Variants in UBL3 observed in about 807,000 individuals in gnomAD.
The protein encoded by UBL3 is ubiquitin-like protein 3.
A neutral mutation model predicts 18.4 loss-of-function variants in UBL3; 6 were observed. The ratio of observed to expected loss-of-function variants is 0.33; its 90% CI spans 0.18 to 0.64. The LOEUF (loss-of-function observed/expected upper bound fraction) is 0.64, where lower values mean the gene tolerates loss of function less well. Among genes scored for constraint, UBL3 ranks in the 30% least tolerant of loss-of-function variants. The pLI is 0.76. For synonymous variants in UBL3, 49 were observed against 46.6 expected (o/e 1.05, Z -0.21); for missense variants, 109 against 142.9 (o/e 0.76, Z 1.21).
At chr13:29,795,274 T>C (rs1250070628) in intron 1 of UBL3, among the ~76,000 whole-genome samples, 2 of 152,304 alleles carry the variant, frequency 1.3e-5, no homozygotes, top group East Asian at 1.9e-4. Flanking sequence ...ATCCATTGTT[T>C]GTAACCTGGA....
chr13:29,831,406 A>G (rs1488861405), intron 1 of UBL3, among the ~76,000 whole-genome samples: 2 of 152,092 alleles, frequency 1.3e-5, no homozygotes, highest in African/African-American at 2.4e-5. Flanking sequence ...CCTGACCAAC[A>G]TGGAGAAAAC....
chr13:29,845,174 G>A (rs933487702), intron 1 of UBL3, among the ~76,000 whole-genome samples: 2 of 152,122 alleles, frequency 1.3e-5, no homozygotes, highest in East Asian at 1.9e-4. Flanking sequence ...ACAAGCTGGG[G>A]TAGGATTCAG....
intron 1 of UBL3, among the ~76,000 whole-genome samples, chr13:29,815,273 C>T (rs371858815): frequency 2.6e-4 from 40 of 151,888 alleles, no homozygotes; most frequent in Non-Finnish European, 5.0e-4. Context: ...TCAAATAGAA[C>T]GAGTTAGATG....
chr13:29,798,626 C>T (rs572839724), intron 1 of UBL3, among the ~76,000 whole-genome samples: 35 of 152,078 alleles, frequency 2.3e-4, no homozygotes, highest in Non-Finnish European at 4.6e-4. Context: ...TTTGATAATA[C>T]AAGTATGAAT....
chr13:29,795,081 C>T lies in UBL3; in HGVS notation c.28-17818G>A, dbSNP rs549975107. ...TTCAAATTCAAGTACTCAGGCTATT[C>T]GCTCATGAATGGAGTTAGTGATTTT... On this transcript the variant is annotated intron_variant, in intron 1 of 4. Transcript: ENST00000380680. Among the ~76,000 whole-genome samples, 260 of 152,298 alleles carry T rather than the reference C, an allele frequency of 1.7e-3. 2 individuals are homozygous for T. Among genetic ancestry groups the T allele is most frequent in the African/African-American group, 6.0e-3 (251 of 41,578 alleles).
In UBL3 at chr13:29,767,073, T is replaced by C; in HGVS notation, c.*182A>G. On this transcript the variant is annotated 3_prime_UTR_variant, in exon 5 of 5. Transcript: ENST00000380680. ...AAATACAAGAAATAAAAAATCAGAG[T>C]GAAAAATGTTCTTGGTTCTTTTTAC... The C allele has an allele frequency of 4.0e-6, 2 of 505,366 alleles. No homozygotes were observed. Among genetic ancestry groups the C allele is most frequent in the East Asian group, 6.8e-5 (2 of 29,620 alleles). 31.3% of individuals were successfully genotyped at this position (505,366 alleles called of 1,614,324 possible).
chr13:29,767,492 G>A, intron 4 of UBL3, 126 bp downstream of exon 4: 1 of 1,194,772 alleles, frequency 8.4e-7, no homozygotes, highest in Non-Finnish European at 1.2e-6. Context: ...CTGGTTATTT[G>A]CTTGACAATC....
At position 29,767,081 on chromosome 13, in the gene UBL3, G is replaced by A. The variant is rs377725503; in HGVS notation, c.*174C>T. ...GAAATAAAAAATCAGAGTGAAAAAT[G>A]TTCTTGGTTCTTTTTACTTTCATGA... On this transcript the variant is annotated 3_prime_UTR_variant, in exon 5 of 5. Transcript: ENST00000380680. 8.8e-4 allele frequency: 467 copies of A among 529,918 alleles called. 5 individuals carry two copies. Among genetic ancestry groups the A allele is most frequent in the African/African-American group, 8.4e-3 (429 of 50,822 alleles). The allele number at this position is 529,918 out of a possible 1,614,324, so 32.8% of individuals were successfully genotyped here. A position where few individuals can be genotyped will look rare whatever the true frequency, so the allele number is the denominator to read the frequency against.
At chr13:29,835,119 T>TATATAAATATAA (rs1566001024) in intron 1 of UBL3, among the ~76,000 whole-genome samples, 10 of 20,566 alleles carry the variant, frequency 4.9e-4, no homozygotes, top group Middle Eastern at 0.024. Context: ...TATATATATA[T>TATATAAATATAA]ATATAAATAT....
chr13:29,769,742 T>C (rs574749157), intron 3 of UBL3, among the ~76,000 whole-genome samples: 1 of 152,116 alleles, frequency 6.6e-6, no homozygotes, highest in Non-Finnish European at 1.5e-5. Flanking sequence ...AATGAAACTC[T>C]ATATGGCTAT....
intron 1 of UBL3, chr13:29,779,289 T>C (rs1178283857): frequency 1.0e-5 from 5 of 488,308 alleles, no homozygotes; most frequent in Non-Finnish European, 2.0e-5. Flanking sequence ...GAATAACAAA[T>C]ACATATTACC....
intron 3 of UBL3, 62 bp from the exon 4 acceptor site, chr13:29,767,757 G>T: frequency 7.0e-7 from 1 of 1,425,188 alleles, no homozygotes; most frequent in South Asian, 1.3e-5. Flanking sequence ...TCACTATCCA[G>T]ATTTAAAACC....
chr13:29,791,802 C>A (rs1022939997), intron 1 of UBL3, among the ~76,000 whole-genome samples: 1 of 152,128 alleles, frequency 6.6e-6, no homozygotes, highest in Admixed American at 6.5e-5. Context: ...TCAATTTAGA[C>A]AATAAATTAT....
intron 1 of UBL3, among the ~76,000 whole-genome samples, chr13:29,836,996 G>C (rs547438931): frequency 4.6e-5 from 7 of 152,220 alleles, no homozygotes; most frequent in Admixed American, 4.6e-4. Context: ...CTATACACCA[G>C]TAGTCCACCA....
intron 1 of UBL3, among the ~76,000 whole-genome samples, chr13:29,823,330 C>T (rs9508559): frequency 0.27 from 40,728 of 151,990 alleles, 5,520 homozygotes; most frequent in East Asian, 0.42. Flanking sequence ...TTAGAAGAGA[C>T]GGGTTTCTCC....
chr13:29,839,805 T>C (rs1366087920), intron 1 of UBL3, among the ~76,000 whole-genome samples: 1 of 151,606 alleles, frequency 6.6e-6, no homozygotes, highest in African/African-American at 2.4e-5. Context: ...CGGGTGCCTG[T>C]AGTCCCAGTT....
At chr13:29,849,004 T>G (rs1333849920) in intron 1 of UBL3, among the ~76,000 whole-genome samples, 1 of 152,246 alleles carries the variant, frequency 6.6e-6, no homozygotes, top group African/African-American at 2.4e-5. Flanking sequence ...TTCAGACATT[T>G]CAAAAACCTC....
At chr13:29,835,095 T>TATATAAATATAAATATAA in intron 1 of UBL3, among the ~76,000 whole-genome samples, 1 of 20,226 alleles carries the variant, frequency 4.9e-5, no homozygotes, top group Non-Finnish European at 7.6e-5. Flanking sequence ...TATAAATATA[T>TATATAAATATAAATATAA]ATATATATAT....
chr13:29,837,010 G>A (rs1339515064), intron 1 of UBL3, among the ~76,000 whole-genome samples: 2 of 152,220 alleles, frequency 1.3e-5, no homozygotes, highest in African/African-American at 4.8e-5. Flanking sequence ...TCCACCAATA[G>A]TGAGGCTATC....
Sources: gnomAD v4.1 joint callset for allele counts (sites outside exome capture counted in the v4.1 genomes callset) on GRCh38, gnomAD v4.1.1 for gene constraint, MANE v1.5 for transcripts, NCBI Gene and HGNC (gene_info 2026-07-23, HGNC 2026-07-21) for gene names.